CORO2B: variants seen among roughly 807,000 people sequenced by gnomAD.
CORO2B encodes the protein coronin 2B.
Under a neutral mutation model 58.8 loss-of-function variants are expected in CORO2B, and 26 were observed. The observed-to-expected ratio is 0.44, with a 90% CI of 0.32 to 0.61. CORO2B has a LOEUF of 0.61. Among genes scored for constraint, CORO2B ranks in the 20% least tolerant of loss-of-function variants. The pLI is 0.04. For missense variants in CORO2B, 460 were observed against 645.1 expected (o/e 0.71, Z 3.11); for synonymous variants, 242 against 253.8 (o/e 0.95, Z 0.44).
At chr15:68,649,562 T>C (rs1218936661) in intron 2 of CORO2B, among the ~76,000 whole-genome samples, 4 of 152,216 alleles carry the variant, frequency 2.6e-5, no homozygotes, top group African/African-American at 9.7e-5. Flanking sequence ...CACTTTCCAC[T>C]CTTGATTATT....
the CORO2B span, among the ~76,000 whole-genome samples, chr15:68,524,169 A>G: frequency 1.1e-4 from 16 of 152,100 alleles, no homozygotes; most frequent in African/African-American, 3.9e-4. Flanking sequence ...GCAGTGAACC[A>G]TAATTGCACC....
chr15:68,647,701 AAG>A (rs1555413710), intron 2 of CORO2B, among the ~76,000 whole-genome samples: 1 of 143,996 alleles, frequency 6.9e-6, no homozygotes, highest in Non-Finnish European at 1.5e-5. Flanking sequence ...AAAAAAAAAA[AAG>A]AAAGAAAGAA....
the CORO2B span, among the ~76,000 whole-genome samples, chr15:68,521,339 A>G: frequency 2.0e-5 from 3 of 152,324 alleles, no homozygotes; most frequent in Admixed American, 6.5e-5. Flanking sequence ...ATAAAGTAGT[A>G]CTTTTGTAAA....
intron 1 of CORO2B, among the ~76,000 whole-genome samples, chr15:68,589,386 A>G (rs559291653): frequency 2.6e-5 from 4 of 152,340 alleles, no homozygotes; most frequent in African/African-American, 9.6e-5. Flanking sequence ...TTCGAATACC[A>G]GGTATAGACA....
intron 2 of CORO2B, among the ~76,000 whole-genome samples, chr15:68,656,961 C>T (rs1901828214): frequency 2.0e-5 from 3 of 152,144 alleles, no homozygotes; most frequent in South Asian, 4.1e-4. Flanking sequence ...TGCACCCTCC[C>T]CACCTAGGGT....
the CORO2B span, among the ~76,000 whole-genome samples, chr15:68,555,033 G>A: frequency 1.3e-5 from 2 of 152,160 alleles, no homozygotes; most frequent in East Asian, 1.9e-4. Flanking sequence ...GGGCTGGGGT[G>A]GGCAGCCCCT....
At chr15:68,622,934 T>C (rs770467322) in intron 1 of CORO2B, among the ~76,000 whole-genome samples, 4 of 152,186 alleles carry the variant, frequency 2.6e-5, no homozygotes, top group Non-Finnish European at 5.9e-5. Flanking sequence ...TGGTGCTTTG[T>C]ATACTTTAGG....
chr15:68,639,676 T>C (rs1464445215), intron 1 of CORO2B, among the ~76,000 whole-genome samples: 4 of 152,126 alleles, frequency 2.6e-5, no homozygotes, highest in African/African-American at 9.7e-5. Context: ...TCCACCTAAA[T>C]CTTGAACCCC....
chr15:68,709,935 G>T (rs1288262050), intron 3 of CORO2B, among the ~76,000 whole-genome samples: 2 of 152,134 alleles, frequency 1.3e-5, no homozygotes, highest in Non-Finnish European at 2.9e-5. Context: ...TGCAGAGGAG[G>T]TTTGCTTTGA....
chr15:68,608,210 A>G (rs1900169092), intron 1 of CORO2B, among the ~76,000 whole-genome samples: 1 of 152,256 alleles, frequency 6.6e-6, no homozygotes, highest in South Asian at 2.1e-4. Context: ...CTGCAGGCCC[A>G]CAGGCATCCT....
chr15:68,647,622 G>A (rs1366586387), intron 2 of CORO2B, among the ~76,000 whole-genome samples: 1 of 151,002 alleles, frequency 6.6e-6, no homozygotes, highest in Non-Finnish European at 1.5e-5. Flanking sequence ...CTGGGAGGCG[G>A]GGGTTGTGGT....
At position 68,629,392 on chromosome 15, in the gene CORO2B, G is replaced by A. The variant is rs186256264; in HGVS notation, c.16-15768G>A. The stretch of plus-strand genomic sequence containing the variant: ...GGAGCTGATTCTGTTGGAGGAAGAG[G>A]CGCCTTTCTCTATTCTCACAAACGT... On this transcript the variant is annotated intron_variant, in intron 1 of 11. Transcript: ENST00000261861. Among the ~76,000 whole-genome samples the A allele has an allele frequency of 2.8e-3, 421 of 152,338 alleles. 3 individuals carry two copies. The highest frequency in any genetic ancestry group is 7.3e-3 in the African/African-American group (304 of 41,580).
At chr15:68,676,449 G>A (rs1440348817) in intron 2 of CORO2B, among the ~76,000 whole-genome samples, 2 of 152,228 alleles carry the variant, frequency 1.3e-5, no homozygotes, top group Non-Finnish European at 2.9e-5. Flanking sequence ...TGAGGTGCCA[G>A]AGGGTAAGGG....
chr15:68,692,725 C>G (rs1892412205), intron 2 of CORO2B, among the ~76,000 whole-genome samples: 1 of 151,166 alleles, frequency 6.6e-6, no homozygotes, highest in African/African-American at 2.4e-5. Context: ...CCCTCGCCTC[C>G]TAGGTTCAAG....
chr15:68,722,682 C>T (rs565933166), intron 11 of CORO2B, among the ~76,000 whole-genome samples: 2 of 152,302 alleles, frequency 1.3e-5, no homozygotes, highest in African/African-American at 2.4e-5. Flanking sequence ...GCAAATAGCA[C>T]GTCATCCCTC....
intron 3 of CORO2B, among the ~76,000 whole-genome samples, chr15:68,709,880 T>C (rs541179317): frequency 4.8e-5 from 7 of 145,540 alleles, no homozygotes; most frequent in African/African-American, 1.7e-4. Flanking sequence ...GCAGGGATGT[T>C]CCCCCCACCT....
chr15:68,570,799 GTTTTTTTTTTTT>G, the CORO2B span, among the ~76,000 whole-genome samples: 30 of 78,774 alleles, frequency 3.8e-4, no homozygotes, highest in South Asian at 7.6e-3. Flanking sequence ...ACTACACGTA[GTTTTTTTTTTTT>G]TTTTTTTTTT....
chr15:68,556,187 A>G, the CORO2B span, among the ~76,000 whole-genome samples: 349 of 152,304 alleles, frequency 2.3e-3, 5 homozygotes, highest in Non-Finnish European at 2.0e-3. Flanking sequence ...ATGCCTCGTA[A>G]TCACAGGATG....
At chr15:68,553,477 G>A in the CORO2B span, among the ~76,000 whole-genome samples, 1 of 152,158 alleles carries the variant, frequency 6.6e-6, no homozygotes, top group Admixed American at 6.5e-5. Context: ...AAAAAGGCAA[G>A]GATGAGATTC....
Sources: gnomAD v4.1 joint callset for allele counts (sites outside exome capture counted in the v4.1 genomes callset) on GRCh38, gnomAD v4.1.1 for gene constraint, MANE v1.5 for transcripts, NCBI Gene and HGNC (gene_info 2026-07-23, HGNC 2026-07-21) for gene names.